The following FARS2 variants were observed in gnomAD, a reference collection of about 807,000 sequenced individuals.
FARS2 encodes the protein phenylalanine--tRNA ligase, mitochondrial.
FARS2 carries 40 observed loss-of-function variants against 46.4 expected under a neutral mutation model. The ratio of observed to expected loss-of-function variants is 0.86; its 90% CI spans 0.67 to 1.12. The LOEUF (loss-of-function observed/expected upper bound fraction) is 1.12, where lower values mean the gene tolerates loss of function less well. FARS2 is among the 50% of genes most tolerant of loss of function. The pLI is 0.00. For missense variants in FARS2, 513 were observed against 567.9 expected, an observed-to-expected ratio of 0.90 and a Z score of 0.98; for synonymous variants, 234 against 214.9, an observed-to-expected ratio of 1.09 and a Z score of -0.78.
intron 6 of FARS2, among the ~76,000 whole-genome samples, chr6:5,708,054 A>G (rs190520691): frequency 1.3e-5 from 2 of 152,296 alleles, no homozygotes; most frequent in East Asian, 3.9e-4. Flanking sequence ...AACAGGTCAG[A>G]GGGGGCTACT....
chr6:5,441,290 C>A (rs1763830745), intron 4 of FARS2, among the ~76,000 whole-genome samples: 1 of 152,122 alleles, frequency 6.6e-6, no homozygotes, highest in Non-Finnish European at 1.5e-5. Context: ...TCTTTTTATT[C>A]TTTCACTCCA....
chr6:5,376,215 A>G (rs1018036099), intron 2 of FARS2, among the ~76,000 whole-genome samples: 10 of 152,168 alleles, frequency 6.6e-5, no homozygotes, highest in Non-Finnish European at 1.5e-4. Flanking sequence ...CTATTCTTTA[A>G]ACATGTCATA....
At chr6:5,336,688 G>T (rs924798214) in intron 1 of FARS2, among the ~76,000 whole-genome samples, 3 of 151,928 alleles carry the variant, frequency 2.0e-5, no homozygotes, top group Non-Finnish European at 4.4e-5. Context: ...ATGTACAATT[G>T]TTACTGACTA....
intron 4 of FARS2, among the ~76,000 whole-genome samples, chr6:5,468,353 TAA>T (rs531163302): frequency 3.1e-4 from 32 of 103,122 alleles, no homozygotes; most frequent in South Asian, 3.0e-4. Context: ...CTGGTAAAAG[TAA>T]AAAAAAAAAA....
Position 5,473,538 on chromosome 6 carries a change from A to AC in FARS2, c.904+42366_904+42367insC, listed in dbSNP as rs1346339908. Among the ~76,000 whole-genome samples the AC allele has an allele frequency of 1.7e-3, 88 of 50,416 alleles. 1 individual carries two copies. The highest frequency in any genetic ancestry group is 5.5e-3 in the African/African-American group (61 of 10,992). 33.1% of individuals were successfully genotyped at this position (50,416 alleles called of 152,430 possible). On this transcript the variant is annotated intron_variant, in intron 4 of 6. Transcript: ENST00000274680. Reference sequence around the variant, plus strand: ...CGAGACTCTGTCTCAAAAAACAAAAAAAAAAACAAAAAAAAAAAACAAAAG... The same window carrying AC: ...CGAGACTCTGTCTCAAAAAACAAAAACAAAAAACAAAAAAAAAAAACAAAAG...
intron 2 of FARS2, among the ~76,000 whole-genome samples, chr6:5,370,218 G>C (rs1289460091): frequency 6.6e-6 from 1 of 152,176 alleles, no homozygotes; most frequent in African/African-American, 2.4e-5. Context: ...TATAGCAGGA[G>C]ATAACTGAAC....
upstream of FARS2, chr6:5,260,606 C>T (rs1472760585): frequency 2.4e-6 from 3 of 1,231,376 alleles, no homozygotes; most frequent in South Asian, 3.8e-5. Flanking sequence ...GGTCCCCGGC[C>T]CCTGGCCCCC....
At chr6:5,514,108 A>G (rs1333659308) in intron 4 of FARS2, among the ~76,000 whole-genome samples, 5 of 150,366 alleles carry the variant, frequency 3.3e-5, no homozygotes, top group African/African-American at 1.2e-4. Context: ...ATATATATAT[A>G]TGATAAAGTG....
chr6:5,595,615 A>G (rs941223172), intron 5 of FARS2, among the ~76,000 whole-genome samples: 1 of 152,214 alleles, frequency 6.6e-6, no homozygotes, highest in Non-Finnish European at 1.5e-5. Context: ...ACAAACAGAA[A>G]TGTAAACTCT....
chr6:5,699,542 C>G (rs935792555), intron 6 of FARS2, among the ~76,000 whole-genome samples: 9 of 150,624 alleles, frequency 6.0e-5, no homozygotes, highest in African/African-American at 2.2e-4. Flanking sequence ...GCGTCTCACT[C>G]TGTCGTCCAG....
At chr6:5,502,290 T>C (rs6934984) in intron 4 of FARS2, among the ~76,000 whole-genome samples, 5,911 of 152,316 alleles carry the variant, frequency 0.039, 190 homozygotes, top group African/African-American at 0.085. Flanking sequence ...CATTATGTGT[T>C]AGAACCTATA....
chr6:5,425,521 A>T (rs896155419), intron 3 of FARS2, among the ~76,000 whole-genome samples: 3 of 152,152 alleles, frequency 2.0e-5, no homozygotes, highest in Non-Finnish European at 4.4e-5. Flanking sequence ...ACACACACAC[A>T]CACACACCCG....
intron 6 of FARS2, among the ~76,000 whole-genome samples, chr6:5,674,811 A>G (rs528370449): frequency 6.4e-4 from 97 of 152,270 alleles, no homozygotes; most frequent in Non-Finnish European, 1.0e-3. Context: ...AAATACTTCC[A>G]TATTTGGAAC....
intron 1 of FARS2, among the ~76,000 whole-genome samples, chr6:5,278,729 G>T (rs547763229): frequency 1.4e-3 from 216 of 152,242 alleles, no homozygotes; most frequent in African/African-American, 5.0e-3. Flanking sequence ...ATTTGACTCT[G>T]AATTAATTGG....
intron 6 of FARS2, among the ~76,000 whole-genome samples, chr6:5,698,414 G>C (rs1048297083): frequency 5.3e-5 from 8 of 152,148 alleles, no homozygotes; most frequent in Non-Finnish European, 1.0e-4. Context: ...CCACCCCTAG[G>C]ATCCAAACAC....
intron 3 of FARS2, among the ~76,000 whole-genome samples, chr6:5,412,935 C>T (rs1010166184): frequency 1.3e-5 from 2 of 152,274 alleles, no homozygotes; most frequent in East Asian, 1.9e-4. Context: ...CCGATAAAAA[C>T]GGGCCAACAC....
intron 6 of FARS2, among the ~76,000 whole-genome samples, chr6:5,661,483 G>A (rs944128442): frequency 1.3e-5 from 2 of 152,162 alleles, no homozygotes; most frequent in African/African-American, 4.8e-5. Context: ...TAGGGCCCTT[G>A]GTGGCCAGAT....
intron 4 of FARS2, among the ~76,000 whole-genome samples, chr6:5,484,212 C>G (rs1488179220): frequency 6.6e-6 from 1 of 152,088 alleles, no homozygotes; most frequent in Non-Finnish European, 1.5e-5. Flanking sequence ...GGCAGTGTTC[C>G]AAAAGTAATC....
intron 5 of FARS2, among the ~76,000 whole-genome samples, chr6:5,546,529 A>T (rs2326641): frequency 1.8e-4 from 27 of 151,074 alleles, no homozygotes; most frequent in South Asian, 1.3e-3. Context: ...GGATTACAGG[A>T]GTGAGCCACT....
Sources: allele counts gnomAD v4.1 joint callset (sites outside exome capture counted in the v4.1 genomes callset), GRCh38; gene constraint gnomAD v4.1.1; transcripts MANE v1.5; gene names NCBI Gene and HGNC (gene_info 2026-07-23, HGNC 2026-07-21).